Variants in PLCB1 observed in about 807,000 individuals in gnomAD.
PLCB1 encodes 1-phosphatidylinositol 4,5-bisphosphate phosphodiesterase beta-1.
A neutral mutation model predicts 161.8 loss-of-function variants in PLCB1; 46 were observed. The observed-to-expected ratio is 0.28, with a 90% CI of 0.22 to 0.36. PLCB1 has a LOEUF of 0.36. Among genes scored for constraint, PLCB1 ranks in the 10% least tolerant of loss-of-function variants. The pLI, the probability that PLCB1 is intolerant of heterozygous loss-of-function variation, is 1.00. For synonymous variants in PLCB1, 517 were observed against 503.7 expected, an observed-to-expected ratio of 1.03 and a Z score of -0.35; for missense variants, 1,016 against 1,472.5, an observed-to-expected ratio of 0.69 and a Z score of 5.07.
At chr20:8,372,241 T>A (rs1362150790) in intron 3 of PLCB1, 2 of 152,214 alleles carry the variant, frequency 1.3e-5, no homozygotes, top group African/African-American at 4.8e-5. Flanking sequence ...ATACTTGATA[T>A]AAAACTAGCT....
intron 2 of PLCB1, among the ~76,000 whole-genome samples, chr20:8,154,143 A>G (rs886096307): frequency 2.0e-5 from 3 of 152,136 alleles, no homozygotes; most frequent in African/African-American, 7.2e-5. Context: ...ACTAAGTCAC[A>G]TCATATTAAC....
chr20:8,307,956 C>G (rs923470299), intron 2 of PLCB1, among the ~76,000 whole-genome samples: 1 of 151,848 alleles, frequency 6.6e-6, no homozygotes, highest in African/African-American at 2.4e-5. Context: ...AACAAAAACA[C>G]CTATACTTGA....
chr20:8,477,173 G>T (rs1420486295), intron 3 of PLCB1, among the ~76,000 whole-genome samples: 1 of 152,056 alleles, frequency 6.6e-6, no homozygotes, highest in Admixed American at 6.5e-5. Flanking sequence ...ATACAGAATC[G>T]CAGGCCCCTC....
At chr20:8,278,059 G>T (rs1982666549) in intron 2 of PLCB1, among the ~76,000 whole-genome samples, 1 of 151,790 alleles carries the variant, frequency 6.6e-6, no homozygotes. Context: ...TTTGTAAATG[G>T]GAGTTGCATA....
At chr20:8,388,808 T>C (rs1987508617) in intron 3 of PLCB1, among the ~76,000 whole-genome samples, 1 of 152,198 alleles carries the variant, frequency 6.6e-6, no homozygotes, top group Non-Finnish European at 1.5e-5. Flanking sequence ...CACATTTATC[T>C]TTAGATGTAA....
rs1989488333 is a variant in PLCB1 at position 8,657,256 on chromosome 20, C to A, written c.667C>A (p.Pro223Thr). 6.2e-7 allele frequency: 1 copy of A among 1,603,688 alleles called. No homozygotes were observed. The highest frequency in any genetic ancestry group is 8.5e-7 in the Non-Finnish European group (1 of 1,170,914). ...TTTCCTCAACAACCTTTGCCCTCGA[C>A]CTGAAATTGATAACATCTTTTCAGA... ...RVFLNNLCPR[P>T]EIDNIFSEFG... Residue 223 changes from proline to threonine, a missense_variant, in exon 8 of 32, where the codon CCT becomes ACT. Physicochemically the swap from Pro to Thr is conservative, Grantham distance 38. Transcript: ENST00000338037.
chr20:8,550,959 G>T (rs1985754369), intron 3 of PLCB1, among the ~76,000 whole-genome samples: 1 of 152,076 alleles, frequency 6.6e-6, no homozygotes. Flanking sequence ...CACCAATTTA[G>T]ATTCTATAAC....
chr20:8,409,654 G>T (rs1429731053), intron 3 of PLCB1, among the ~76,000 whole-genome samples: 1 of 151,736 alleles, frequency 6.6e-6, no homozygotes, highest in Non-Finnish European at 1.5e-5. Context: ...GTAGAGATCG[G>T]GTTTCACCAT....
At chr20:8,778,817 T>C (rs1470185890) in intron 27 of PLCB1, among the ~76,000 whole-genome samples, 1 of 152,210 alleles carries the variant, frequency 6.6e-6, no homozygotes, top group East Asian at 1.9e-4. Flanking sequence ...ATGTTTATTT[T>C]ATGGCCATTT....
intron 2 of PLCB1, among the ~76,000 whole-genome samples, chr20:8,300,538 G>C (rs6039130): frequency 6.6e-6 from 1 of 150,606 alleles, no homozygotes; most frequent in Non-Finnish European, 1.5e-5. Context: ...TTTGGAAGTG[G>C]TTTTTTTTTA....
intron 2 of PLCB1, among the ~76,000 whole-genome samples, chr20:8,337,646 A>G (rs553725979): frequency 6.6e-6 from 1 of 152,314 alleles, no homozygotes; most frequent in South Asian, 2.1e-4. Flanking sequence ...TAAATTCATA[A>G]TGATAATTTG....
intron 3 of PLCB1, among the ~76,000 whole-genome samples, chr20:8,594,871 C>A (rs1286182445): frequency 1.3e-5 from 2 of 152,012 alleles, no homozygotes; most frequent in Non-Finnish European, 1.5e-5. Context: ...AGTTCCTTAC[C>A]CAAATTAGGT....
intron 9 of PLCB1, among the ~76,000 whole-genome samples, chr20:8,664,822 C>G (rs1277763285): frequency 6.6e-6 from 1 of 152,150 alleles, no homozygotes; most frequent in Non-Finnish European, 1.5e-5. Context: ...CAGCCACCAG[C>G]AGCGCCAAGC....
chr20:8,709,333 A>G (rs2123453072), intron 12 of PLCB1, among the ~76,000 whole-genome samples: 1 of 152,288 alleles, frequency 6.6e-6, no homozygotes, highest in South Asian at 2.1e-4. Context: ...ACTGTTTTAT[A>G]TTCATTTTAT....
In PLCB1 at chr20:8,132,538, G is replaced by C. The variant is rs1051830360; in HGVS notation, c.-114G>C. On this transcript the variant is annotated 5_prime_UTR_variant, in exon 1 of 32. Coordinates refer to ENST00000338037, the MANE Select transcript of PLCB1 (RefSeq NM_015192.4). This position sits in a 1 kb window ranked among gnomAD's most constrained non-coding sequence, Gnocchi z 5.2. Reference sequence around the variant, plus strand: ...GCCGGGGAGGCCGGCGGGGAGCAGAGTCGAGCGCCTCCGGAGCAGAGAAAG... The same window carrying C: ...GCCGGGGAGGCCGGCGGGGAGCAGACTCGAGCGCCTCCGGAGCAGAGAAAG... 39 of 575,904 alleles carry C rather than the reference G, an allele frequency of 6.8e-5. No individual in the cohort carries two copies. The highest frequency in any genetic ancestry group is 9.8e-5 in the Non-Finnish European group (35 of 357,324). The allele number at this position is 575,904 out of a possible 1,614,324, so 35.7% of individuals were successfully genotyped here. A position where few individuals can be genotyped will look rare whatever the true frequency, so the allele number is the denominator to read the frequency against.
intron 2 of PLCB1, among the ~76,000 whole-genome samples, chr20:8,158,443 A>G (rs925260137): frequency 7.9e-5 from 12 of 152,300 alleles, no homozygotes; most frequent in African/African-American, 2.4e-4. Flanking sequence ...CACCCACAAC[A>G]TACGGGAAAT....
chr20:8,340,543 C>G (rs1422273370), intron 2 of PLCB1, among the ~76,000 whole-genome samples: 2 of 152,076 alleles, frequency 1.3e-5, no homozygotes, highest in Non-Finnish European at 2.9e-5. Context: ...CTGCCTCAGC[C>G]TCCCGCGTAG....
chr20:8,649,251 G>A (rs1989247312), intron 6 of PLCB1, 123 bp from the exon 7 acceptor site: 4 of 625,140 alleles, frequency 6.4e-6, no homozygotes, highest in Admixed American at 5.2e-5. Flanking sequence ...TTATCTTTTA[G>A]TTCTTTAAAT....
intron 1 of PLCB1, among the ~76,000 whole-genome samples, chr20:8,135,808 A>T (rs2066953511): frequency 6.6e-6 from 1 of 152,326 alleles, no homozygotes; most frequent in East Asian, 1.9e-4. Context: ...TTTGTCTGTT[A>T]GCAGGCTCTG....
Sources: allele counts gnomAD v4.1 joint callset (sites outside exome capture counted in the v4.1 genomes callset), GRCh38; gene constraint gnomAD v4.1.1; non-coding constraint Gnocchi (gnomAD v3.1); transcripts MANE v1.5; gene names NCBI Gene and HGNC (gene_info 2026-07-23, HGNC 2026-07-21).